CNTN4: variants seen among roughly 807,000 people sequenced by gnomAD.
CNTN4 encodes the protein contactin-4.
A neutral mutation model predicts 122.5 loss-of-function variants in CNTN4; 77 were observed. The ratio of observed to expected loss-of-function variants is 0.63; its 90% CI spans 0.52 to 0.76. The LOEUF is 0.76. CNTN4 is among the 30% of genes least tolerant of loss of function. CNTN4 has a pLI of 0.00. For synonymous variants in CNTN4, 512 were observed against 447.0 expected (o/e 1.15, Z -1.83); for missense variants, 1,256 against 1,259.1 (o/e 1.00, Z 0.04).
chr3:2,784,517 A>G (rs1460849788), intron 6 of CNTN4, among the ~76,000 whole-genome samples: 5 of 152,200 alleles, frequency 3.3e-5, no homozygotes, highest in Non-Finnish European at 5.9e-5. Context: ...ATAATATTCA[A>G]AGTTAAACCA....
At chr3:2,119,942 G>A (rs2033610297) in intron 2 of CNTN4, among the ~76,000 whole-genome samples, 1 of 152,126 alleles carries the variant, frequency 6.6e-6, no homozygotes, top group African/African-American at 2.4e-5. Flanking sequence ...AATGTGGGCA[G>A]GATCTAGTGT....
At chr3:2,729,386 T>C (rs1055152407) in intron 4 of CNTN4, among the ~76,000 whole-genome samples, 16 of 142,468 alleles carry the variant, frequency 1.1e-4, no homozygotes, top group Non-Finnish European at 2.4e-4. Context: ...AACACAAAAT[T>C]AACAAAAAAT....
chr3:2,122,706 A>G (rs1574877481), intron 2 of CNTN4, among the ~76,000 whole-genome samples: 2 of 152,362 alleles, frequency 1.3e-5, no homozygotes, highest in East Asian at 1.9e-4. Flanking sequence ...AGAAATTATC[A>G]TAATTTACAT....
intron 6 of CNTN4, among the ~76,000 whole-genome samples, chr3:2,780,564 A>G (rs575503291): frequency 2.0e-5 from 3 of 152,206 alleles, no homozygotes; most frequent in African/African-American, 7.2e-5. Context: ...TCTGGCAACC[A>G]TGTCTGCCAT....
intron 16 of CNTN4, among the ~76,000 whole-genome samples, chr3:3,033,161 T>A (rs1030570066): frequency 2.0e-5 from 3 of 152,120 alleles, no homozygotes; most frequent in Non-Finnish European, 2.9e-5. Context: ...TGGTGGGGAA[T>A]GCTAGGATGA....
intron 3 of CNTN4, among the ~76,000 whole-genome samples, chr3:2,530,325 T>C (rs962782917): frequency 1.3e-5 from 2 of 149,998 alleles, no homozygotes; most frequent in African/African-American, 4.9e-5. Context: ...TTTTTTTTTT[T>C]TTGTGACTGA....
chr3:2,308,873 T>G (rs1314762555), intron 2 of CNTN4, among the ~76,000 whole-genome samples: 2 of 152,098 alleles, frequency 1.3e-5, no homozygotes, highest in Non-Finnish European at 2.9e-5. Flanking sequence ...AAATATAGTC[T>G]GTAGATCTTT....
At position 2,664,033 on chromosome 3, in the gene CNTN4, T is replaced by TG. The variant is rs796712944; in HGVS notation, c.56-72181dup. Among the ~76,000 whole-genome samples, 12 of 152,138 alleles carry TG rather than the reference T, an allele frequency of 7.9e-5. No individual in the cohort carries two copies. The South Asian group carries it at 2.5e-3, about 32-fold the overall frequency. ...TGGGTAGTGGGGAAAAGGGAACAAA[T>TG]GCTAATGAGCACAGGTTTTTTGCAG... On this transcript the variant is annotated intron_variant, in intron 4 of 24. Transcript: ENST00000418658.
chr3:2,429,734 G>C (rs1003404953), intron 3 of CNTN4, among the ~76,000 whole-genome samples: 2 of 152,212 alleles, frequency 1.3e-5, no homozygotes, highest in Non-Finnish European at 2.9e-5. Flanking sequence ...GCTCCACCCA[G>C]TTTGAGCTTC....
chr3:2,981,056 C>T (rs974740644), intron 13 of CNTN4, among the ~76,000 whole-genome samples: 1 of 152,198 alleles, frequency 6.6e-6, no homozygotes, highest in Non-Finnish European at 1.5e-5. Context: ...TTCACCCATG[C>T]ACGCTTCCAG....
intron 4 of CNTN4, among the ~76,000 whole-genome samples, chr3:2,657,550 C>A (rs1189616670): frequency 7.2e-5 from 11 of 152,136 alleles, no homozygotes; most frequent in Admixed American, 7.2e-4. Context: ...TGCATGAAAA[C>A]AAGATGGGAC....
At chr3:2,186,616 G>T (rs1056637737) in intron 2 of CNTN4, among the ~76,000 whole-genome samples, 65 of 151,966 alleles carry the variant, frequency 4.3e-4, no homozygotes, top group African/African-American at 5.5e-4. Flanking sequence ...TTTTAATGAT[G>T]GCCATTCTAA....
chr3:2,702,344 C>A (rs2086402572), intron 4 of CNTN4, among the ~76,000 whole-genome samples: 1 of 152,182 alleles, frequency 6.6e-6, no homozygotes. Context: ...AACAAACGAA[C>A]ACTGCAAGTA....
chr3:2,584,725 TA>T (rs1181667589), intron 4 of CNTN4, among the ~76,000 whole-genome samples: 32 of 109,970 alleles, frequency 2.9e-4, no homozygotes, highest in Non-Finnish European at 4.1e-4. Context: ...AAAAAAAGAA[TA>T]AAAAAAAGGG....
intron 2 of CNTN4, among the ~76,000 whole-genome samples, chr3:2,206,266 A>G (rs898596927): frequency 2.0e-5 from 3 of 152,160 alleles, no homozygotes; most frequent in African/African-American, 7.2e-5. Flanking sequence ...AACTTATAAA[A>G]GAGCTCACTC....
intron 3 of CNTN4, among the ~76,000 whole-genome samples, chr3:2,451,087 G>A (rs1298886892): frequency 6.6e-6 from 1 of 152,186 alleles, no homozygotes; most frequent in African/African-American, 2.4e-5. Context: ...TGTAGAGATA[G>A]AAGGGAAGGT....
intron 3 of CNTN4, among the ~76,000 whole-genome samples, chr3:2,561,961 G>C (rs1043676461): frequency 2.0e-5 from 3 of 152,154 alleles, no homozygotes; most frequent in Non-Finnish European, 4.4e-5. Context: ...TGGGACAGAG[G>C]AGTGGAGGTG....
chr3:2,414,921 G>A (rs1019207966), intron 3 of CNTN4, among the ~76,000 whole-genome samples: 2 of 152,240 alleles, frequency 1.3e-5, no homozygotes, highest in Middle Eastern at 6.8e-3. Flanking sequence ...AAAGCACATA[G>A]AAAGAAAATA....
At chr3:2,593,614 G>C (rs909587772) in intron 4 of CNTN4, among the ~76,000 whole-genome samples, 2 of 152,174 alleles carry the variant, frequency 1.3e-5, no homozygotes, top group African/African-American at 4.8e-5. Flanking sequence ...GTCATATTTT[G>C]GATGGGCAGA....
Sources: allele counts gnomAD v4.1 joint callset (sites outside exome capture counted in the v4.1 genomes callset), GRCh38; gene constraint gnomAD v4.1.1; transcripts MANE v1.5; gene names NCBI Gene and HGNC (gene_info 2026-07-23, HGNC 2026-07-21).